Variants in PTCHD4 observed in about 807,000 individuals in gnomAD.
The protein encoded by PTCHD4 is patched domain-containing protein 4.
A neutral mutation model predicts 58.1 loss-of-function variants in PTCHD4; 33 were observed. The ratio of observed to expected loss-of-function variants is 0.57; its 90% confidence interval spans 0.43 to 0.76. The LOEUF (loss-of-function observed/expected upper bound fraction) is 0.76. Among genes scored for constraint, PTCHD4 ranks in the 30% least tolerant of loss-of-function variants. The pLI, the probability that PTCHD4 is intolerant of heterozygous loss-of-function variation, is 0.00. For synonymous variants in PTCHD4, 478 were observed against 409.6 expected, an observed-to-expected ratio of 1.17 and a Z score of -2.02; for missense variants, 1,058 against 1,027.1, an observed-to-expected ratio of 1.03 and a Z score of -0.41.
At position 48,069,715 on chromosome 6, in the gene PTCHD4, T is replaced by G. The variant is rs79733504; in HGVS notation, c.-758A>C. On this transcript the variant is annotated 5_prime_UTR_variant, in exon 2 of 5. Transcript: ENST00000339488. ...ATTGAAAGTGAAGATCTACAGGCAATATGAGGTTTCTCATAACATGTTACA... is the reference window on the plus strand; with the variant it reads ...ATTGAAAGTGAAGATCTACAGGCAAGATGAGGTTTCTCATAACATGTTACA... Among the ~76,000 whole-genome samples, 1,819 of 152,202 alleles carry G rather than the reference T, an allele frequency of 0.012. 31 individuals carry two copies. The highest frequency in any genetic ancestry group is 0.04 in the African/African-American group (1,675 of 41,512).
Position 48,068,692 on chromosome 6 carries a change from C to A in PTCHD4, c.6-51G>T, listed in dbSNP as rs1455253023. 2.7e-6 allele frequency: 4 copies of A among 1,484,182 alleles called. No homozygotes were observed. The highest frequency in any genetic ancestry group is 2.5e-5 in the East Asian group (1 of 40,410). The allele number at this position is 1,484,182 out of a possible 1,614,324, so 91.9% of individuals were successfully genotyped here. On this transcript the variant is annotated intron_variant, in intron 2 of 4. Transcript: ENST00000339488. The surrounding 1 kb of genome is among the most constrained non-coding windows in gnomAD (Gnocchi z 4.2). ...AAGCGCCGGGCTACCCCGTTCTCCC[C>A]CATCCCACCCCCTGGGGCCAGTCCC...
At chr6:48,050,732 A>G (rs1393606800) in intron 3 of PTCHD4, among the ~76,000 whole-genome samples, 1 of 151,980 alleles carries the variant, frequency 6.6e-6, no homozygotes, top group Non-Finnish European at 1.5e-5. Context: ...ATCAGATGAG[A>G]CTTGACCTAT....
chr6:47,902,198 A>G (rs777055028), intron 4 of PTCHD4, among the ~76,000 whole-genome samples: 4 of 152,208 alleles, frequency 2.6e-5, no homozygotes, highest in Non-Finnish European at 2.9e-5. Flanking sequence ...TGTTTCATAC[A>G]CATCAATATT....
At chr6:48,005,375 G>GAATAGA (rs1426502726) in intron 4 of PTCHD4, among the ~76,000 whole-genome samples, 1 of 152,168 alleles carries the variant, frequency 6.6e-6, no homozygotes, top group Non-Finnish European at 1.5e-5. Flanking sequence ...AGGAAGACAG[G>GAATAGA]AATAGAAATA....
At position 47,862,074 on chromosome 6, in the gene PTCHD4, T is replaced by C. The variant is rs1442335903; in HGVS notation, c.*16229A>G. Among the ~76,000 whole-genome samples, 1 of 151,908 alleles carries C rather than the reference T, an allele frequency of 6.6e-6. No individual in the cohort carries two copies. The highest frequency in any genetic ancestry group is 6.6e-5 in the Admixed American group (1 of 15,218). The stretch of plus-strand genomic sequence containing the variant: ...GAATTTAATACAAAAAGAAAATCTA[T>C]TGGAACATTTGGTAAGAGATATTTG... On this transcript the variant is annotated 3_prime_UTR_variant, in exon 5 of 5. Coordinates refer to ENST00000339488, the MANE Select transcript of PTCHD4 (RefSeq NM_001384253.1).
intron 4 of PTCHD4, among the ~76,000 whole-genome samples, chr6:47,945,901 T>G (rs1337326816): frequency 6.6e-6 from 1 of 151,864 alleles, no homozygotes; most frequent in Non-Finnish European, 1.5e-5. Context: ...CAATTTAGCT[T>G]CATTGTTCAT....
chr6:47,879,900 C>T lies in PTCHD4; in HGVS notation c.935G>A (p.Gly312Glu), dbSNP rs752996190. The T allele has an allele frequency of 3.8e-6, 6 of 1,573,492 alleles. No individual in the cohort carries two copies. Among genetic ancestry groups the T allele is most frequent in the African/African-American group, 1.4e-5 (1 of 73,944 alleles). ...GTKGVFELLS[G>E]WRRTKENLPF... Reference sequence around the variant, plus strand: ...CAAGTTCTCTTTGGTTCTCCGCCATCCGGACAGAAGCTCAAACACTCCTTT... The same window carrying T: ...CAAGTTCTCTTTGGTTCTCCGCCATTCGGACAGAAGCTCAAACACTCCTTT... Residue 312 changes from glycine to glutamate, a missense_variant, in exon 5 of 5, where the codon GGA (glycine) becomes GAA (glutamate). Gly to Glu is a moderately conservative substitution (Grantham distance 98, BLOSUM62 -2). Coordinates refer to ENST00000339488, the MANE Select transcript of PTCHD4 (RefSeq NM_001384253.1).
At position 47,874,111 on chromosome 6, in the gene PTCHD4, A is replaced by G. The variant is rs111937083; in HGVS notation, c.*4192T>C. On this transcript the variant is annotated 3_prime_UTR_variant, in exon 5 of 5. Coordinates refer to ENST00000339488, the MANE Select transcript of PTCHD4 (RefSeq NM_001384253.1). ...CATAAGATTAGCAAACACAAGACATAAAATTATGTTTATTTACTAACCAAT... is the reference window on the plus strand; with the variant it reads ...CATAAGATTAGCAAACACAAGACATGAAATTATGTTTATTTACTAACCAAT... Among the ~76,000 whole-genome samples, 2 of 151,874 alleles carry G rather than the reference A, an allele frequency of 1.3e-5. No individual in the cohort carries two copies. The highest frequency in any genetic ancestry group is 4.8e-5 in the African/African-American group (2 of 41,504).
At chr6:47,990,393 T>G (rs1212197545) in intron 4 of PTCHD4, among the ~76,000 whole-genome samples, 3 of 152,122 alleles carry the variant, frequency 2.0e-5, no homozygotes, top group Non-Finnish European at 1.5e-5. Flanking sequence ...ATGGTTTGGT[T>G]GTGTCCCCAC....
At chr6:48,106,006 A>G (rs1268410188) in intron 1 of PTCHD4, among the ~76,000 whole-genome samples, 1 of 152,140 alleles carries the variant, frequency 6.6e-6, no homozygotes, top group Non-Finnish European at 1.5e-5. Flanking sequence ...ATTCACAGCC[A>G]AATTCTACCA....
At chr6:47,970,276 A>G (rs1190141962) in intron 4 of PTCHD4, among the ~76,000 whole-genome samples, 1 of 152,194 alleles carries the variant, frequency 6.6e-6, no homozygotes, top group Non-Finnish European at 1.5e-5. Context: ...AACGTCATTA[A>G]AAAGAAAGTG....
In PTCHD4 at chr6:48,069,074, TG is replaced by T. The variant is rs1287803553; in HGVS notation, c.-118del. Among the ~76,000 whole-genome samples, 1 of 128,796 alleles carries T rather than the reference TG, an allele frequency of 7.8e-6. No individual in the cohort carries two copies. The highest frequency in any genetic ancestry group is 1.6e-5 in the Non-Finnish European group (1 of 63,348). The allele number at this position is 128,796 out of a possible 152,430, so 84.5% of individuals were successfully genotyped here. A position where few individuals can be genotyped will look rare whatever the true frequency, so the allele number is the denominator to read the frequency against. ...GATGTGGATTTCCTCTCTGTCTTGG[TG>T]GGGTTCGGTGCCTAACTGGAACCAT... On this transcript the variant is annotated 5_prime_UTR_variant, in exon 2 of 5. The change abolishes the stop of an existing upstream ORF in the 5' untranslated region. Transcript: ENST00000339488.
At chr6:47,906,695 A>C (rs1360891758) in intron 4 of PTCHD4, among the ~76,000 whole-genome samples, 1 of 152,170 alleles carries the variant, frequency 6.6e-6, no homozygotes, top group Non-Finnish European at 1.5e-5. Context: ...GTATATCTTG[A>C]CATAATATCA....
chr6:48,108,305 C>T (rs1765786462), intron 1 of PTCHD4, among the ~76,000 whole-genome samples: 1 of 152,098 alleles, frequency 6.6e-6, no homozygotes, highest in African/African-American at 2.4e-5. Context: ...TTTGTAGGGA[C>T]ATGGATGAAG....
chr6:47,910,698 T>G (rs556718188), intron 4 of PTCHD4, among the ~76,000 whole-genome samples: 8 of 152,210 alleles, frequency 5.3e-5, no homozygotes, highest in Admixed American at 3.9e-4. Context: ...TAGTATCCAC[T>G]CCCTAAATAT....
chr6:47,879,946 T>A lies in PTCHD4; in HGVS notation c.899-10A>T. On this transcript the variant is annotated splice_polypyrimidine_tract_variant and intron_variant, in intron 4 of 4. Transcript: ENST00000339488. ...CCTTTAGTTCCATGACCTAATGTTT[T>A]AAAAAAAGAAAATAATAATTATTTT... 6.7e-7 allele frequency: 1 copy of A among 1,487,940 alleles called. No homozygotes were observed. Among genetic ancestry groups the A allele is most frequent in the Non-Finnish European group, 8.9e-7 (1 of 1,119,488 alleles). The allele number at this position is 1,487,940 out of a possible 1,614,324, so 92.2% of individuals were successfully genotyped here. A position where few individuals can be genotyped will look rare whatever the true frequency, so the allele number is the denominator to read the frequency against.
At chr6:47,952,300 G>A (rs563501845) in intron 4 of PTCHD4, among the ~76,000 whole-genome samples, 15 of 152,010 alleles carry the variant, frequency 9.9e-5, no homozygotes, top group African/African-American at 2.4e-4. Flanking sequence ...CTTATCTATC[G>A]CAGCTATAGT....
chr6:47,910,126 CCTCTA>C (rs1765023818), intron 4 of PTCHD4, among the ~76,000 whole-genome samples: 1 of 152,170 alleles, frequency 6.6e-6, no homozygotes, highest in Non-Finnish European at 1.5e-5. Flanking sequence ...ACTTCTGTCT[CCTCTA>C]GGACTTTCTC....
chr6:47,946,836 A>G (rs1369421715), intron 4 of PTCHD4, among the ~76,000 whole-genome samples: 4 of 151,174 alleles, frequency 2.6e-5, no homozygotes, highest in Non-Finnish European at 4.4e-5. Context: ...TTTCTATTCT[A>G]TTTCTTTTTA....
Sources: allele counts gnomAD v4.1 joint callset (sites outside exome capture counted in the v4.1 genomes callset), GRCh38; gene constraint gnomAD v4.1.1; non-coding constraint Gnocchi (gnomAD v3.1); transcripts MANE v1.5; gene names NCBI Gene and HGNC (gene_info 2026-07-23, HGNC 2026-07-21).